Variants in GNL3L observed in about 807,000 individuals in gnomAD.
The protein encoded by GNL3L is G protein nucleolar 3 like.
A neutral mutation model predicts 42.9 loss-of-function variants in GNL3L; 4 were observed. The observed-to-expected ratio is 0.09, with a 90% CI of 0.05 to 0.21. The LOEUF (loss-of-function observed/expected upper bound fraction) is 0.21, where lower values mean the gene tolerates loss of function less well. GNL3L is among the 10% of genes least tolerant of loss of function. The pLI, the probability that GNL3L is intolerant of heterozygous loss-of-function variation, is 1.00. For missense variants in GNL3L, 412 were observed against 481.7 expected (o/e 0.86, Z 1.36); for synonymous variants, 159 against 176.3 (o/e 0.90, Z 0.78).
At chrX:54,591,507 C>T (rs944348713) in intron 16 of GNL3L, among the ~76,000 whole-genome samples, 11 of 108,000 alleles carry the variant, frequency 1.0e-4, no homozygotes, top group Admixed American at 2.0e-4. Flanking sequence ...GCAGGAGAAT[C>T]GCTTGGACCC....
rs139825556 is a variant in GNL3L, at chrX:54,548,728, C to G, written c.775+355C>G. Among the ~76,000 whole-genome samples the G allele has an allele frequency of 1.7e-3, 192 of 110,826 alleles. 1 individual carries two copies. Among genetic ancestry groups the G allele is most frequent in the Non-Finnish European group, 3.2e-3 (168 of 52,938 alleles). On this transcript the variant is annotated intron_variant, in intron 9 of 15. Transcript: ENST00000360845. Reference sequence around the variant, plus strand: ...TGCAAGACAAGGCAGAGCTGAGGATCAAAACCTGGGCCTTTCTGGAGCACA... The same window carrying G: ...TGCAAGACAAGGCAGAGCTGAGGATGAAAACCTGGGCCTTTCTGGAGCACA...
intron 10 of GNL3L, 110 bp from the exon 11 acceptor site, chrX:54,551,458 C>G (rs1668852339): frequency 1.6e-6 from 1 of 613,841 alleles, no homozygotes; most frequent in African/African-American, 2.2e-5. Context: ...ACCTTCGTCT[C>G]TAATGCACCC....
intron 16 of GNL3L, among the ~76,000 whole-genome samples, chrX:54,596,987 G>C (rs1253933557): frequency 1.8e-5 from 2 of 111,288 alleles, no homozygotes; most frequent in East Asian, 5.7e-4. Flanking sequence ...CCGTCCAAGA[G>C]TCACGTCCTG....
At chrX:54,573,746 C>T (rs187678851) in intron 16 of GNL3L, among the ~76,000 whole-genome samples, 61 of 110,757 alleles carry the variant, frequency 5.5e-4, no homozygotes, top group Non-Finnish European at 1.0e-3. Context: ...TTTGAACATA[C>T]GGAATATAGA....
chrX:54,642,481 C>T, the GNL3L span, among the ~76,000 whole-genome samples: 2 of 111,171 alleles, frequency 1.8e-5, no homozygotes, highest in African/African-American at 6.5e-5. Flanking sequence ...TTCCAGAACA[C>T]GCCAAGGTTG....
downstream of GNL3L, among the ~76,000 whole-genome samples, chrX:54,571,579 C>T (rs1418617126): frequency 9.6e-6 from 1 of 104,186 alleles, no homozygotes; most frequent in Non-Finnish European, 2.0e-5. Flanking sequence ...AAGCAATCCT[C>T]CCACCTCCGC....
chrX:54,623,121 G>A (rs1287996838), downstream of GNL3L, among the ~76,000 whole-genome samples: 1 of 111,838 alleles, frequency 8.9e-6, no homozygotes, highest in Admixed American at 9.5e-5. Flanking sequence ...GATCACTTTA[G>A]TAGTAAGTTT....
chrX:54,546,660 TG>T lies in GNL3L; in HGVS notation c.631-1568del, dbSNP rs201596764. On this transcript the variant is annotated intron_variant, in intron 8 of 15. Coordinates refer to ENST00000360845, the MANE Select transcript of GNL3L (RefSeq NM_001184819.2). ...TTTTTAAAATTTAAATTTAAATTTTTGTTGAGATGGAGTTTCACTCTTGTTG... is the reference window on the plus strand; with the variant it reads ...TTTTTAAAATTTAAATTTAAATTTTTTTGAGATGGAGTTTCACTCTTGTTG... Among the ~76,000 whole-genome samples the T allele has an allele frequency of 4.3e-3, 486 of 112,145 alleles. 3 individuals carry two copies. The highest frequency in any genetic ancestry group is 0.015 in the African/African-American group (455 of 30,839).
rs181055809 is a variant in GNL3L, at chrX:54,604,528, A to C, written c.*46-16317A>C. 3.8e-4 allele frequency among the ~76,000 whole-genome samples: 42 copies of C among 110,421 alleles called. No homozygotes were observed. In the East Asian group the frequency reaches 0.012, roughly 30 times the overall value. The stretch of plus-strand genomic sequence containing the variant: ...TTATGCAAAGGTCTAGGGAAAGAGC[A>C]CTCCAGGCATAGGAACCAGCAAGTT... On this transcript the variant is annotated intron_variant, in intron 16 of 16. Coordinates refer to the GNL3L transcript ENST00000674498.
At chrX:54,608,592 A>G (rs936439929) in intron 16 of GNL3L, among the ~76,000 whole-genome samples, 2 of 110,471 alleles carry the variant, frequency 1.8e-5, no homozygotes, top group Non-Finnish European at 3.8e-5. Flanking sequence ...CATATCAGTG[A>G]GAACATACGA....
chrX:54,590,816 T>TCA (rs1925861549), intron 16 of GNL3L, among the ~76,000 whole-genome samples: 1 of 110,914 alleles, frequency 9.0e-6, no homozygotes. Flanking sequence ...ATTTATTTAT[T>TCA]TATTCATTCA....
chrX:54,543,190 G>T lies in GNL3L; in HGVS notation c.391-17G>T. On this transcript the variant is annotated splice_polypyrimidine_tract_variant and intron_variant, in intron 6 of 15. Coordinates refer to ENST00000360845, the MANE Select transcript of GNL3L (RefSeq NM_001184819.2). ...TATCCTTTTCCTGCCCTCATCTCCT[G>T]GTCCTCTGCCCTGCAGGTGGTGGAA... is the stretch of plus-strand genomic sequence containing the variant. The T allele has an allele frequency of 8.3e-7, 1 of 1,207,756 alleles. No individual in the cohort carries two copies. The highest frequency in any genetic ancestry group is 1.1e-6 in the Non-Finnish European group (1 of 892,641).
At chrX:54,585,021 T>C (rs1335720243) in intron 16 of GNL3L, among the ~76,000 whole-genome samples, 1 of 112,188 alleles carries the variant, frequency 8.9e-6, no homozygotes, top group Non-Finnish European at 1.9e-5. Flanking sequence ...TGACCTCAGG[T>C]GATCCACCTG....
intron 13 of GNL3L, among the ~76,000 whole-genome samples, chrX:54,552,822 C>G (rs1389614425): frequency 9.0e-6 from 1 of 111,528 alleles, no homozygotes; most frequent in Non-Finnish European, 1.9e-5. Context: ...CCTTCTTACC[C>G]CTATCGGTGA....
At chrX:54,540,042 A>T (rs1389262425) in intron 3 of GNL3L, 93 bp from the exon 4 acceptor site, 3 of 533,071 alleles carry the variant, frequency 5.6e-6, no homozygotes, top group Non-Finnish European at 1.0e-5. Context: ...TTATGAGGGG[A>T]TGTTGTCTTC....
At chrX:54,587,479 A>G (rs926602141) in intron 16 of GNL3L, among the ~76,000 whole-genome samples, 5 of 111,083 alleles carry the variant, frequency 4.5e-5, no homozygotes, top group African/African-American at 1.6e-4. Context: ...AAACCTGTGT[A>G]TTAATTTGAG....
rs184722730 is a variant in GNL3L, at chrX:54,603,460, C to G, written c.*46-17385C>G. The stretch of plus-strand genomic sequence containing the variant: ...GGATGATAAATGAATATTTACATAG[C>G]TTCAAAGTATCTTTCCACAAACTAA... On this transcript the variant is annotated intron_variant, in intron 16 of 16. Transcript: ENST00000674498. 2.6e-3 allele frequency among the ~76,000 whole-genome samples: 294 copies of G among 111,597 alleles called. 1 individual carries two copies. Among genetic ancestry groups the G allele is most frequent in the African/African-American group, 9.3e-3 (287 of 30,784 alleles).
In GNL3L at chrX:54,551,667, C is replaced by T; in HGVS notation, c.963C>T (p.Asn321=). The part of the protein sequence containing the change: ...PNSEVGTILR[N]CVHVQKLADP... ...CAGAGGTGGGCACCATCCTGCGTAA[C>T]TGCGTCCACGTGCAGAAGCTGGCAG... The change falls in exon 11 of 16, where the codon AAC becomes AAT. Residue 321 remains asparagine (N), a synonymous_variant. Coordinates refer to ENST00000360845, the MANE Select transcript of GNL3L (RefSeq NM_001184819.2). 8.3e-7 allele frequency: 1 copy of T among 1,211,111 alleles called. No individual in the cohort carries two copies. The highest frequency in any genetic ancestry group is 1.8e-5 in the South Asian group (1 of 56,965).
intron 16 of GNL3L, among the ~76,000 whole-genome samples, chrX:54,602,458 G>T (rs1926014920): frequency 9.1e-6 from 1 of 110,151 alleles, no homozygotes; most frequent in African/African-American, 3.3e-5. Flanking sequence ...CCTGCCTGCT[G>T]GTATCATGGA....
Sources: allele counts gnomAD v4.1 joint callset (sites outside exome capture counted in the v4.1 genomes callset), GRCh38; gene constraint gnomAD v4.1.1; transcripts MANE v1.5; gene names NCBI Gene and HGNC (gene_info 2026-07-23, HGNC 2026-07-21).